CD8B2: variants seen among roughly 807,000 people sequenced by gnomAD.
The protein encoded by CD8B2 is CD8B family member 2, also known as T-cell surface glycoprotein CD8 beta-2 chain.
Under a neutral mutation model 23.7 loss-of-function variants are expected in CD8B2, and 11 were observed. The ratio of observed to expected loss-of-function variants is 0.46; its 90% CI spans 0.29 to 0.77. CD8B2 has a LOEUF of 0.77. Among genes scored for constraint, CD8B2 ranks in the 30% least tolerant of loss-of-function variants. CD8B2 has a pLI of 0.09. For missense variants in CD8B2, 197 were observed against 270.5 expected (o/e 0.73, Z 1.91); for synonymous variants, 90 against 109.3 (o/e 0.82, Z 1.10).
intron 3 of CD8B2, among the ~76,000 whole-genome samples, chr2:106,497,342 A>C (rs926769039): frequency 1.3e-5 from 2 of 152,196 alleles, no homozygotes; most frequent in African/African-American, 4.8e-5. Context: ...TCATGAATAC[A>C]TGTTTGTTTG....
chr2:106,537,105 G>A (rs1278438109), intron 5 of CD8B2, among the ~76,000 whole-genome samples: 1 of 152,118 alleles, frequency 6.6e-6, no homozygotes, highest in African/African-American at 2.4e-5. Flanking sequence ...CCATCAGCAG[G>A]GAAAACCGAT....
downstream of CD8B2, among the ~76,000 whole-genome samples, chr2:106,514,367 A>T (rs185694294): frequency 9.2e-3 from 1,377 of 150,018 alleles, 9 homozygotes; most frequent in Non-Finnish European, 0.014. Context: ...AGCTCACTGC[A>T]ACCTCTGCCT....
At chr2:106,526,119 G>A (rs950278490) in intron 5 of CD8B2, among the ~76,000 whole-genome samples, 3 of 151,922 alleles carry the variant, frequency 2.0e-5, no homozygotes, top group Non-Finnish European at 2.9e-5. Flanking sequence ...GCATGCATCC[G>A]TAGTCCCAGC....
At chr2:106,522,798 C>T (rs900617398) in intron 5 of CD8B2, among the ~76,000 whole-genome samples, 1 of 152,174 alleles carries the variant, frequency 6.6e-6, no homozygotes, top group Non-Finnish European at 1.5e-5. Flanking sequence ...TTTGCAAAGA[C>T]CGTAGCAGAG....
downstream of CD8B2, among the ~76,000 whole-genome samples, chr2:106,512,021 T>A (rs917647718): frequency 3.2e-4 from 49 of 152,334 alleles, no homozygotes; most frequent in African/African-American, 1.1e-3. Context: ...AGTACCCTTT[T>A]AAGAGCTTTG....
intron 3 of CD8B2, among the ~76,000 whole-genome samples, chr2:106,499,531 C>CAAA (rs58020024): frequency 1.1e-5 from 1 of 87,138 alleles, no homozygotes; most frequent in Non-Finnish European, 2.4e-5. Flanking sequence ...GACCCTGTCT[C>CAAA]AAAAAAAAAA....
chr2:106,512,463 C>T (rs992240175), downstream of CD8B2, among the ~76,000 whole-genome samples: 1 of 151,876 alleles, frequency 6.6e-6, no homozygotes, highest in Non-Finnish European at 1.5e-5. Flanking sequence ...ACTCAATTCT[C>T]CTCTTCCTTG....
intron 4 of CD8B2, 101 bp downstream of exon 4, chr2:106,502,664 G>A: frequency 1.6e-6 from 1 of 627,074 alleles, no homozygotes; most frequent in Non-Finnish European, 2.7e-6. Flanking sequence ...TGGCAGCCTG[G>A]TGGGAATTTG....
intron 5 of CD8B2, among the ~76,000 whole-genome samples, chr2:106,531,881 C>T (rs146053445): frequency 6.6e-6 from 1 of 152,330 alleles, no homozygotes; most frequent in Non-Finnish European, 1.5e-5. Flanking sequence ...GCCCAGCATT[C>T]CAGTCTCCCC....
At chr2:106,516,295 T>C (rs1218126834) in intron 5 of CD8B2, among the ~76,000 whole-genome samples, 1 of 152,192 alleles carries the variant, frequency 6.6e-6, no homozygotes, top group Non-Finnish European at 1.5e-5. Context: ...TTACAAATCC[T>C]GAAGCGAAGG....
intron 5 of CD8B2, among the ~76,000 whole-genome samples, chr2:106,526,213 C>A (rs1679904128): frequency 6.6e-6 from 1 of 150,712 alleles, no homozygotes; most frequent in African/African-American, 2.5e-5. Flanking sequence ...TGCACTCTAT[C>A]CAGCCTGGGA....
intron 2 of CD8B2, among the ~76,000 whole-genome samples, chr2:106,492,698 A>G (rs916369485): frequency 6.6e-6 from 1 of 152,242 alleles, no homozygotes; most frequent in East Asian, 1.9e-4. Context: ...AAAAGCCACA[A>G]GGGGACCCAG....
chr2:106,514,416 T>C (rs796472494), downstream of CD8B2, among the ~76,000 whole-genome samples: 27 of 151,538 alleles, frequency 1.8e-4, no homozygotes, highest in African/African-American at 6.1e-4. Flanking sequence ...GCCTCCCAAA[T>C]AGCTGGGATT....
chr2:106,516,862 T>C (rs1679736697), intron 5 of CD8B2, among the ~76,000 whole-genome samples: 1 of 150,688 alleles, frequency 6.6e-6, no homozygotes, highest in Non-Finnish European at 1.5e-5. Context: ...TTTTCAAAAT[T>C]TATTATTCAG....
intron 3 of CD8B2, 112 bp from the exon 4 acceptor site, chr2:106,502,362 A>G (rs1439318424): frequency 5.1e-6 from 3 of 586,244 alleles, no homozygotes; most frequent in Non-Finnish European, 9.5e-6. Flanking sequence ...AAATGGTGGT[A>G]TTCTCTGGGA....
intron 2 of CD8B2, among the ~76,000 whole-genome samples, chr2:106,492,878 T>C (rs185179614): frequency 1.5e-4 from 23 of 152,294 alleles, no homozygotes; most frequent in Admixed American, 2.6e-4. Context: ...ATTTTCGTAT[T>C]GAAAAATGGA....
intron 5 of CD8B2, among the ~76,000 whole-genome samples, chr2:106,543,390 C>G (rs1244602504): frequency 1.3e-5 from 2 of 152,006 alleles, no homozygotes; most frequent in African/African-American, 4.8e-5. Context: ...ATTAGCCGGT[C>G]GTGGTGGCAC....
chr2:106,504,230 G>C, intron 4 of CD8B2, 59 bp from the exon 5 acceptor site: 1 of 1,551,622 alleles, frequency 6.4e-7, no homozygotes, highest in Non-Finnish European at 8.7e-7. Context: ...TTGGCCTCTG[G>C]GGCTCAGCAC....
At chr2:106,537,782 A>G (rs1371666108) in intron 5 of CD8B2, among the ~76,000 whole-genome samples, 1 of 152,198 alleles carries the variant, frequency 6.6e-6, no homozygotes, top group Non-Finnish European at 1.5e-5. Context: ...TGCTGGGATT[A>G]AACTTAATAG....
Sources: gnomAD v4.1 joint callset for allele counts (sites outside exome capture counted in the v4.1 genomes callset) on GRCh38, gnomAD v4.1.1 for gene constraint, MANE v1.5 for transcripts, NCBI Gene and HGNC (gene_info 2026-07-23, HGNC 2026-07-21) for gene names.